The following NRG1 variants were observed in gnomAD, a reference collection of about 807,000 sequenced individuals.
NRG1 encodes the protein neuregulin 1.
A neutral mutation model predicts 63.8 loss-of-function variants in NRG1; 18 were observed. The ratio of observed to expected loss-of-function variants is 0.28; its 90% CI spans 0.19 to 0.42. NRG1 has a LOEUF of 0.42. Ranked by LOEUF, NRG1 falls within the 10% of genes least tolerant of loss-of-function variation. NRG1 has a pLI of 1.00. For synonymous variants in NRG1, 302 were observed against 301.3 expected, an observed-to-expected ratio of 1.00 and a Z score of -0.02; for missense variants, 762 against 814.7, an observed-to-expected ratio of 0.94 and a Z score of 0.79.
At chr8:32,715,568 A>G (rs1210581949) in intron 5 of NRG1, among the ~76,000 whole-genome samples, 2 of 152,186 alleles carry the variant, frequency 1.3e-5, no homozygotes, top group African/African-American at 4.8e-5. Flanking sequence ...CTCTTTCAAT[A>G]AAAGTTTTCC....
At chr8:32,731,823 T>C (rs1366196169) in intron 6 of NRG1, among the ~76,000 whole-genome samples, 2 of 152,166 alleles carry the variant, frequency 1.3e-5, no homozygotes, top group African/African-American at 4.8e-5. Flanking sequence ...AGTTCATAGT[T>C]TCCATATGGT....
intron 1 of NRG1, among the ~76,000 whole-genome samples, chr8:32,084,026 G>T (rs538375453): frequency 1.3e-5 from 2 of 152,194 alleles, no homozygotes; most frequent in East Asian, 3.9e-4. Flanking sequence ...CTCTTTTAGA[G>T]TTTTCCTAAT....
chr8:32,754,763 G>A (rs1367669853), intron 8 of NRG1, among the ~76,000 whole-genome samples: 3 of 152,124 alleles, frequency 2.0e-5, no homozygotes, highest in Non-Finnish European at 4.4e-5. Context: ...GTGTGGGTGG[G>A]ACAGAATGAA....
At chr8:32,502,814 G>T (rs1828022775) in intron 1 of NRG1, among the ~76,000 whole-genome samples, 1 of 152,022 alleles carries the variant, frequency 6.6e-6, no homozygotes, top group African/African-American at 2.4e-5. Flanking sequence ...TGAAAATGAA[G>T]AAATAAACAA....
chr8:32,039,981 C>A (rs1819687020), intron 1 of NRG1, among the ~76,000 whole-genome samples: 1 of 152,072 alleles, frequency 6.6e-6, no homozygotes, highest in Non-Finnish European at 1.5e-5. Flanking sequence ...ATTATCACAC[C>A]ACTGCACTCC....
chr8:32,065,735 G>A (rs1285046612), intron 1 of NRG1, among the ~76,000 whole-genome samples: 1 of 152,080 alleles, frequency 6.6e-6, no homozygotes, highest in African/African-American at 2.4e-5. Flanking sequence ...GGTATTTCTA[G>A]TTCTAGATCC....
chr8:32,408,510 T>G (rs1814417510), intron 1 of NRG1, among the ~76,000 whole-genome samples: 1 of 152,178 alleles, frequency 6.6e-6, no homozygotes, highest in Non-Finnish European at 1.5e-5. Flanking sequence ...GAGAAAGCAC[T>G]TAGATCCCTG....
intron 1 of NRG1, among the ~76,000 whole-genome samples, chr8:31,766,736 C>T (rs1563376916): frequency 6.6e-6 from 1 of 152,130 alleles, no homozygotes; most frequent in African/African-American, 2.4e-5. Context: ...ACAAGCAATA[C>T]TCTAGACTTT....
At chr8:32,640,245 T>TCTCACA (rs141612874) in intron 5 of NRG1, among the ~76,000 whole-genome samples, 3 of 147,530 alleles carry the variant, frequency 2.0e-5, no homozygotes, top group Non-Finnish European at 4.5e-5. Flanking sequence ...CTTCTTTTTG[T>TCTCACA]CACACACACA....
At chr8:32,116,734 TAGG>T (rs929737031) in intron 1 of NRG1, among the ~76,000 whole-genome samples, 4 of 152,036 alleles carry the variant, frequency 2.6e-5, no homozygotes, top group Admixed American at 2.6e-4. Context: ...ATTAATATGA[TAGG>T]AGAGAAAGAA....
chr8:32,233,530 C>T (rs1476368823), intron 1 of NRG1, among the ~76,000 whole-genome samples: 4 of 110,598 alleles, frequency 3.6e-5, no homozygotes, highest in Admixed American at 2.4e-4. Context: ...GCTCATAACT[C>T]GAAAGAATAT....
At chr8:32,704,550 A>T (rs78507095) in intron 5 of NRG1, among the ~76,000 whole-genome samples, 2,653 of 152,310 alleles carry the variant, frequency 0.017, 85 homozygotes, top group African/African-American at 0.06. Flanking sequence ...AGGCATAGTT[A>T]AAAATCTGTA....
At chr8:32,063,657 G>A (rs1489382259) in intron 1 of NRG1, among the ~76,000 whole-genome samples, 1 of 152,054 alleles carries the variant, frequency 6.6e-6, no homozygotes, top group Non-Finnish European at 1.5e-5. Flanking sequence ...TTTTGATAAA[G>A]CTGTGAAGAC....
At chr8:32,310,208 T>C (rs1169007281) in intron 1 of NRG1, among the ~76,000 whole-genome samples, 2 of 152,234 alleles carry the variant, frequency 1.3e-5, no homozygotes, top group Non-Finnish European at 2.9e-5. Context: ...AGATAATATA[T>C]GACGGTTTGG....
intron 5 of NRG1, among the ~76,000 whole-genome samples, chr8:32,657,623 A>C (rs566194476): frequency 1.3e-5 from 2 of 152,332 alleles, no homozygotes; most frequent in African/African-American, 4.8e-5. Context: ...TGTTGGTGTC[A>C]CAGCAATAAA....
At chr8:31,647,707 C>G (rs886507417) in intron 1 of NRG1, among the ~76,000 whole-genome samples, 1 of 152,174 alleles carries the variant, frequency 6.6e-6, no homozygotes, top group Admixed American at 6.5e-5. Context: ...TTGAGATAAC[C>G]TAGGCATGCT....
chr8:32,092,195 G>C lies in NRG1; in HGVS notation c.37+452764G>C, dbSNP rs371639578. ...GAAATATGGCAGGGTGCAGTGGCTC[G>C]TGGCTGTAATCCCAGCACTCTGGGA... On this transcript the variant is annotated intron_variant, in intron 1 of 10. Transcript: ENST00000519301. 7.4e-4 allele frequency among the ~76,000 whole-genome samples: 112 copies of C among 151,768 alleles called. 2 individuals carry two copies. The highest frequency in any genetic ancestry group is 2.6e-3 in the African/African-American group (106 of 41,452).
chr8:32,568,074 G>A (rs994799020), intron 1 of NRG1, among the ~76,000 whole-genome samples: 4 of 152,166 alleles, frequency 2.6e-5, no homozygotes, highest in East Asian at 1.9e-4. Flanking sequence ...AGGTGTTTCC[G>A]TTATTCTTAA....
intron 1 of NRG1, among the ~76,000 whole-genome samples, chr8:31,857,111 C>G (rs922460824): frequency 6.6e-6 from 1 of 152,238 alleles, no homozygotes; most frequent in Non-Finnish European, 1.5e-5. Flanking sequence ...CAGAGGCAGG[C>G]AGGCCTCCTT....
Sources: gnomAD v4.1 joint callset for allele counts (sites outside exome capture counted in the v4.1 genomes callset) on GRCh38, gnomAD v4.1.1 for gene constraint, MANE v1.5 for transcripts, NCBI Gene and HGNC (gene_info 2026-07-23, HGNC 2026-07-21) for gene names.